SGCZ: variants seen among roughly 807,000 people sequenced by gnomAD.
SGCZ encodes the protein sarcoglycan zeta, also known as zeta-sarcoglycan.
In SGCZ, 40 loss-of-function variants were observed where a neutral mutation model predicts 41.3. That is an observed-to-expected ratio of 0.97 (90% CI 0.75 to 1.26). The LOEUF (loss-of-function observed/expected upper bound fraction) is 1.26, where lower values mean the gene tolerates loss of function less well. Among genes scored for constraint, SGCZ ranks in the 50% most tolerant of loss-of-function variants. The pLI, the probability that SGCZ is intolerant of heterozygous loss-of-function variation, is 0.00. For synonymous variants in SGCZ, 206 were observed against 137.5 expected (o/e 1.50, Z -3.49); for missense variants, 552 against 369.8 (o/e 1.49, Z -4.04).
At chr8:14,247,710 T>G (rs1288729741) in intron 3 of SGCZ, among the ~76,000 whole-genome samples, 1 of 152,190 alleles carries the variant, frequency 6.6e-6, no homozygotes, top group Non-Finnish European at 1.5e-5. Flanking sequence ...CCACTCCAGC[T>G]GCCTCTTCAG....
chr8:14,233,985 G>A (rs1806666247), intron 4 of SGCZ, among the ~76,000 whole-genome samples: 1 of 151,776 alleles, frequency 6.6e-6, no homozygotes, highest in South Asian at 2.1e-4. Context: ...GAGAAATTTG[G>A]AGGAAGAAAT....
chr8:14,386,226 TATA>T (rs1804571771), intron 2 of SGCZ, among the ~76,000 whole-genome samples: 1 of 151,924 alleles, frequency 6.6e-6, no homozygotes, highest in Non-Finnish European at 1.5e-5. Flanking sequence ...GAATGCCTGA[TATA>T]ATTGCACCTG....
chr8:14,092,819 T>C (rs1019778897), intron 7 of SGCZ, among the ~76,000 whole-genome samples: 1 of 152,068 alleles, frequency 6.6e-6, no homozygotes, highest in Non-Finnish European at 1.5e-5. Context: ...GGGTATGTCT[T>C]TGTCGGCAAT....
chr8:14,931,987 T>G (rs1007233242), intron 1 of SGCZ, among the ~76,000 whole-genome samples: 2 of 151,980 alleles, frequency 1.3e-5, no homozygotes, highest in African/African-American at 4.8e-5. Context: ...GAGTCCTGCA[T>G]CATATTTCCA....
At chr8:14,263,843 A>G (rs544466505) in intron 3 of SGCZ, among the ~76,000 whole-genome samples, 2 of 152,240 alleles carry the variant, frequency 1.3e-5, no homozygotes, top group Admixed American at 6.5e-5. Context: ...AAGAAGCACA[A>G]CTCAGAGACA....
intron 1 of SGCZ, among the ~76,000 whole-genome samples, chr8:14,572,943 T>A (rs1322300597): frequency 6.6e-6 from 1 of 152,218 alleles, no homozygotes; most frequent in African/African-American, 2.4e-5. Flanking sequence ...TACCTATACA[T>A]GCAAAGCATT....
At chr8:14,453,711 G>A (rs79894437) in intron 2 of SGCZ, among the ~76,000 whole-genome samples, 5,390 of 152,212 alleles carry the variant, frequency 0.035, 293 homozygotes, top group African/African-American at 0.12. Context: ...TTCAGTTTGG[G>A]CAAAAGCGAG....
At chr8:15,135,152 T>C (rs994165232) in intron 1 of SGCZ, among the ~76,000 whole-genome samples, 2 of 152,224 alleles carry the variant, frequency 1.3e-5, no homozygotes, top group Non-Finnish European at 2.9e-5. Flanking sequence ...TTCTAAATTA[T>C]AGATAAATTA....
chr8:14,474,281 A>G (rs1436817478), intron 2 of SGCZ, among the ~76,000 whole-genome samples: 1 of 152,248 alleles, frequency 6.6e-6, no homozygotes, highest in Admixed American at 6.5e-5. Context: ...AATGATATGC[A>G]TATGCAAACA....
intron 1 of SGCZ, among the ~76,000 whole-genome samples, chr8:14,688,644 G>C (rs1808697584): frequency 6.6e-6 from 1 of 152,092 alleles, no homozygotes. Flanking sequence ...CTCCAGCATT[G>C]TACTTTTGGC....
intron 1 of SGCZ, among the ~76,000 whole-genome samples, chr8:14,560,835 A>G (rs1028416819): frequency 6.6e-6 from 1 of 151,766 alleles, no homozygotes; most frequent in Non-Finnish European, 1.5e-5. Context: ...TGAGATAACA[A>G]GAGGCTAAAA....
chr8:14,861,034 C>A (rs1309476166), intron 1 of SGCZ, among the ~76,000 whole-genome samples: 2 of 152,160 alleles, frequency 1.3e-5, no homozygotes, highest in African/African-American at 4.8e-5. Flanking sequence ...AATGTCCCTG[C>A]AGCACAGAAT....
chr8:14,756,582 T>A (rs1799675653), intron 1 of SGCZ, among the ~76,000 whole-genome samples: 1 of 152,236 alleles, frequency 6.6e-6, no homozygotes, highest in Admixed American at 6.5e-5. Context: ...AGTTTGCATT[T>A]CTATCTCCTG....
intron 1 of SGCZ, among the ~76,000 whole-genome samples, chr8:14,873,313 G>A (rs1225856437): frequency 6.6e-6 from 1 of 152,092 alleles, no homozygotes; most frequent in Non-Finnish European, 1.5e-5. Flanking sequence ...GTGTTGGTAT[G>A]CCCAATTGCC....
At chr8:15,099,943 G>A (rs761319603) in intron 1 of SGCZ, among the ~76,000 whole-genome samples, 6 of 90,716 alleles carry the variant, frequency 6.6e-5, no homozygotes, top group Non-Finnish European at 1.4e-4. Flanking sequence ...AGGAATAAAA[G>A]GGAACTTCCC....
chr8:14,358,121 G>T (rs1299017044), intron 2 of SGCZ, among the ~76,000 whole-genome samples: 3 of 152,162 alleles, frequency 2.0e-5, no homozygotes, highest in Admixed American at 6.5e-5. Flanking sequence ...CACCCCTTAT[G>T]TATTTGTGTG....
intron 1 of SGCZ, among the ~76,000 whole-genome samples, chr8:14,578,992 G>A (rs1398821131): frequency 6.6e-6 from 1 of 152,010 alleles, no homozygotes; most frequent in Non-Finnish European, 1.5e-5. Context: ...AAGTTATTTA[G>A]GTTTAACATG....
At chr8:14,255,157 T>C (rs1044477221) in intron 3 of SGCZ, among the ~76,000 whole-genome samples, 1 of 152,114 alleles carries the variant, frequency 6.6e-6, no homozygotes, top group Non-Finnish European at 1.5e-5. Context: ...ACTACGCTTA[T>C]CAGCCCTCAT....
chr8:14,218,796 A>G (rs1466613223), intron 4 of SGCZ, among the ~76,000 whole-genome samples: 2 of 152,206 alleles, frequency 1.3e-5, no homozygotes, highest in East Asian at 1.9e-4. Context: ...TGGTCCAGGA[A>G]CCGTTAATGA....
Sources: allele counts gnomAD v4.1 joint callset (sites outside exome capture counted in the v4.1 genomes callset), GRCh38; gene constraint gnomAD v4.1.1; transcripts MANE v1.5; gene names NCBI Gene and HGNC (gene_info 2026-07-23, HGNC 2026-07-21).